Variants in CNTLN observed in about 807,000 individuals in gnomAD.
CNTLN encodes centlein, also known as centlein, centrosomal protein.
In CNTLN, 212 loss-of-function variants were observed where a neutral mutation model predicts 180.0. The ratio of observed to expected loss-of-function variants is 1.18; its 90% CI spans 1.05 to 1.32. The LOEUF (loss-of-function observed/expected upper bound fraction) is 1.32. CNTLN is among the 40% of genes most tolerant of loss of function. The pLI, the probability that CNTLN is intolerant of heterozygous loss-of-function variation, is 0.00. For missense variants in CNTLN, 2,095 were observed against 1,610.9 expected (o/e 1.30, Z -5.14); for synonymous variants, 722 against 563.1 (o/e 1.28, Z -3.99).
intron 2 of CNTLN, chr9:17,167,060 T>G (rs1298847144): frequency 9.9e-6 from 2 of 201,490 alleles, no homozygotes; most frequent in Admixed American, 1.3e-4. Context: ...TTGAGAAAGA[T>G]ATTTCATACT....
intron 5 of CNTLN, among the ~76,000 whole-genome samples, chr9:17,269,739 A>C (rs754412434): frequency 2.0e-5 from 3 of 152,028 alleles, no homozygotes; most frequent in Non-Finnish European, 1.5e-5. Flanking sequence ...GTTGTTGTTG[A>C]GTGGAATATT....
chr9:17,421,845 A>G (rs1828748328), intron 18 of CNTLN, among the ~76,000 whole-genome samples: 1 of 152,176 alleles, frequency 6.6e-6, no homozygotes, highest in South Asian at 2.1e-4. Flanking sequence ...ACAAGCAAAG[A>G]GAAACCTAAT....
intron 25 of CNTLN, 61 bp from the exon 26 acceptor site, chr9:17,502,490 T>A: frequency 1.3e-6 from 1 of 749,860 alleles, no homozygotes; most frequent in South Asian, 1.9e-5. Flanking sequence ...TAATATTTAG[T>A]ATGTTTTTGA....
At chr9:17,284,017 T>A (rs1282380783) in intron 6 of CNTLN, among the ~76,000 whole-genome samples, 1 of 76,220 alleles carries the variant, frequency 1.3e-5, no homozygotes, top group African/African-American at 5.3e-5. Flanking sequence ...ATTGAGGATT[T>A]TGTTTGTTTG....
intron 7 of CNTLN, chr9:17,299,288 T>G: frequency 5.4e-6 from 1 of 184,672 alleles, no homozygotes; most frequent in Non-Finnish European, 1.0e-5. Context: ...ATTCTTCATA[T>G]GTTTTGTGTA....
At chr9:17,230,184 TG>T (rs2085028345) in intron 3 of CNTLN, among the ~76,000 whole-genome samples, 1 of 152,158 alleles carries the variant, frequency 6.6e-6, no homozygotes, top group African/African-American at 2.4e-5. Flanking sequence ...AATTTGCACT[TG>T]TGATTGGCTG....
intron 8 of CNTLN, among the ~76,000 whole-genome samples, chr9:17,312,363 A>ATATATT (rs1191455327): frequency 4.6e-4 from 7 of 15,142 alleles, no homozygotes; most frequent in Admixed American, 4.5e-3. Context: ...ATATATATAT[A>ATATATT]TTATATATAT....
intron 13 of CNTLN, among the ~76,000 whole-genome samples, chr9:17,370,618 A>G (rs1824236569): frequency 1.3e-5 from 2 of 152,192 alleles, no homozygotes; most frequent in South Asian, 2.1e-4. Flanking sequence ...TGAAGGTACA[A>G]AAGTCACTGG....
intron 24 of CNTLN, among the ~76,000 whole-genome samples, chr9:17,486,543 C>A (rs576616970): frequency 1.3e-5 from 2 of 152,218 alleles, no homozygotes; most frequent in African/African-American, 4.8e-5. Flanking sequence ...TTTAAATATA[C>A]CGGAGTCATG....
intron 3 of CNTLN, among the ~76,000 whole-genome samples, chr9:17,235,170 T>G (rs951444604): frequency 6.6e-6 from 1 of 152,190 alleles, no homozygotes; most frequent in African/African-American, 2.4e-5. Flanking sequence ...AGCCTTAACA[T>G]TCTAAATATT....
chr9:17,406,689 A>G (rs1373759595), intron 15 of CNTLN, among the ~76,000 whole-genome samples: 2 of 151,788 alleles, frequency 1.3e-5, no homozygotes, highest in African/African-American at 4.9e-5. Flanking sequence ...TCGTGGATAG[A>G]CTAAATTTAT....
chr9:17,232,294 CTAAT>C (rs1323385547), intron 3 of CNTLN, among the ~76,000 whole-genome samples: 14 of 151,870 alleles, frequency 9.2e-5, no homozygotes, highest in Non-Finnish European at 1.5e-5. Flanking sequence ...TAATATTAAA[CTAAT>C]TATCGGAATA....
chr9:17,385,093 A>G (rs1042597276), intron 13 of CNTLN, among the ~76,000 whole-genome samples: 13 of 152,242 alleles, frequency 8.5e-5, no homozygotes, highest in Non-Finnish European at 1.6e-4. Context: ...TCCATTTACT[A>G]TTGCTTGTTT....
chr9:17,241,700 A>ATTT lies in CNTLN; in HGVS notation c.849+5119_849+5121dup, dbSNP rs61399132. ...ATCCATGAGCAAGGTATTTCTTTCC[A>ATTT]TTTTTTTTTGTATCCTATCTTTAAT... On this transcript the variant is annotated intron_variant, in intron 5 of 25. Coordinates refer to ENST00000380647, the MANE Select transcript of CNTLN (RefSeq NM_017738.4). 5.4e-3 allele frequency among the ~76,000 whole-genome samples: 818 copies of ATTT among 150,698 alleles called. 5 individuals are homozygous for ATTT. Among genetic ancestry groups the ATTT allele is most frequent in the Admixed American group, 8.1e-3 (122 of 15,116 alleles).
At chr9:17,183,813 C>G (rs1185701990) in intron 2 of CNTLN, among the ~76,000 whole-genome samples, 2 of 151,932 alleles carry the variant, frequency 1.3e-5, no homozygotes, top group East Asian at 1.9e-4. Context: ...ACCTGGAGGC[C>G]TTTTCTTATC....
intron 3 of CNTLN, among the ~76,000 whole-genome samples, 177 bp from the exon 4 acceptor site, chr9:17,235,481 C>T (rs1470117692): frequency 2.0e-5 from 3 of 152,066 alleles, no homozygotes; most frequent in African/African-American, 7.2e-5. Flanking sequence ...CCTGTACTTG[C>T]ACATTTTAGT....
At chr9:17,295,926 T>G (rs575847020) in intron 6 of CNTLN, among the ~76,000 whole-genome samples, 1 of 151,680 alleles carries the variant, frequency 6.6e-6, no homozygotes, top group South Asian at 2.1e-4. Context: ...GATTTTTAAT[T>G]TGCAAAGAGT....
rs892662870 is a variant in CNTLN at position 17,342,506 on chromosome 9, C to A, written c.1886+62C>A. The stretch of plus-strand genomic sequence containing the variant: ...ATACTTGGGAGAAATTTTTTCATGG[C>A]TTAAAAGCTATTAAAGAAACACTTT... On this transcript the variant is annotated intron_variant, in intron 12 of 25. Coordinates refer to ENST00000380647, the MANE Select transcript of CNTLN (RefSeq NM_017738.4). 1.7e-5 allele frequency: 25 copies of A among 1,439,408 alleles called. No individual in the cohort carries two copies. In the South Asian group the frequency reaches 2.9e-4, roughly 17 times the overall value. The allele number at this position is 1,439,408 out of a possible 1,614,324, so 89.2% of individuals were successfully genotyped here.
At chr9:17,508,916 T>G (rs963988106), downstream of CNTLN, among the ~76,000 whole-genome samples, 1 of 152,186 alleles carries the variant, frequency 6.6e-6, no homozygotes, top group African/African-American at 2.4e-5. Context: ...GAAGAGGTTT[T>G]TAGATGGACC....
Sources: gnomAD v4.1 joint callset for allele counts (sites outside exome capture counted in the v4.1 genomes callset) on GRCh38, gnomAD v4.1.1 for gene constraint, MANE v1.5 for transcripts, NCBI Gene and HGNC (gene_info 2026-07-23, HGNC 2026-07-21) for gene names.